The following HS6ST2 variants were observed in gnomAD, a reference collection of about 807,000 sequenced individuals.
HS6ST2 encodes heparan-sulfate 6-O-sulfotransferase 2.
Under a neutral mutation model 33.0 loss-of-function variants are expected in HS6ST2, and 17 were observed. The ratio of observed to expected loss-of-function variants is 0.52; its 90% CI spans 0.35 to 0.77. HS6ST2 has a LOEUF of 0.77. Among genes scored for constraint, HS6ST2 ranks in the 30% least tolerant of loss-of-function variants. The pLI is 0.01. For missense variants in HS6ST2, 519 were observed against 551.7 expected (o/e 0.94, Z 0.59); for synonymous variants, 248 against 237.1 (o/e 1.05, Z -0.42).
chrX:132,830,051 T>G (rs916931376), intron 2 of HS6ST2, among the ~76,000 whole-genome samples: 3 of 111,835 alleles, frequency 2.7e-5, no homozygotes, highest in East Asian at 2.8e-4. Context: ...TGGTGTTTTC[T>G]ATGAAGTATG....
chrX:132,786,114 A>G (rs1001564582), intron 2 of HS6ST2, among the ~76,000 whole-genome samples: 11 of 112,107 alleles, frequency 9.8e-5, no homozygotes, highest in Non-Finnish European at 2.1e-4. Context: ...AAATGGGGTA[A>G]TACACAGTAA....
intron 2 of HS6ST2, among the ~76,000 whole-genome samples, chrX:132,856,448 C>T (rs2065853049): frequency 9.0e-6 from 1 of 111,683 alleles, no homozygotes; most frequent in African/African-American, 3.2e-5. Context: ...AGGGGGACAA[C>T]GCACCTTGAA....
At chrX:132,879,490 TACA>T (rs1331489137) in intron 2 of HS6ST2, among the ~76,000 whole-genome samples, 2 of 111,821 alleles carry the variant, frequency 1.8e-5, no homozygotes, top group African/African-American at 3.3e-5. Context: ...TCCTGGTAAG[TACA>T]ACAAGAAACT....
rs1156640009 is a variant in HS6ST2 at position 132,642,527 on chromosome X, G to A, written c.1068-13434C>T. The stretch of plus-strand genomic sequence containing the variant: ...ATTCAGAATTTCAAGGGCTGGCAGG[G>A]TCATGCCTCCTTTCACCTGGGAAAG... On this transcript the variant is annotated intron_variant, in intron 4 of 4. Transcript: ENST00000370833. 4.5e-5 allele frequency among the ~76,000 whole-genome samples: 5 copies of A among 111,816 alleles called. No individual in the cohort carries two copies. In the East Asian group the frequency reaches 1.4e-3, roughly 31 times the overall value.
chrX:132,787,097 GCTT>G (rs2065068396), intron 2 of HS6ST2, among the ~76,000 whole-genome samples: 1 of 96,917 alleles, frequency 1.0e-5, no homozygotes, highest in South Asian at 5.0e-4. Context: ...CATAGCACTT[GCTT>G]CTTCTTTTAG....
At chrX:132,687,655 AG>A (rs1481138671) in intron 3 of HS6ST2, among the ~76,000 whole-genome samples, 7 of 111,185 alleles carry the variant, frequency 6.3e-5, no homozygotes, top group African/African-American at 1.6e-4. Flanking sequence ...TAGAGTATTC[AG>A]GTGCAACATT....
chrX:132,880,216 C>A (rs768465103), intron 2 of HS6ST2, among the ~76,000 whole-genome samples: 41 of 111,436 alleles, frequency 3.7e-4, no homozygotes, highest in African/African-American at 1.1e-3. Flanking sequence ...CTGCCCCCAA[C>A]CAAAATTAAA....
chrX:132,886,339 T>C (rs1419308887), intron 2 of HS6ST2, among the ~76,000 whole-genome samples: 3 of 111,346 alleles, frequency 2.7e-5, no homozygotes, highest in Non-Finnish European at 5.7e-5. Context: ...AGATTCAAGA[T>C]GGCAGAAGAA....
chrX:132,873,418 T>C (rs187206347), intron 2 of HS6ST2, among the ~76,000 whole-genome samples: 1 of 112,036 alleles, frequency 8.9e-6, no homozygotes, highest in African/African-American at 3.2e-5. Flanking sequence ...CCCAGCAATT[T>C]TCCCATGCCC....
intron 2 of HS6ST2, among the ~76,000 whole-genome samples, chrX:132,771,175 T>C (rs2064895029): frequency 8.9e-6 from 1 of 111,857 alleles, no homozygotes; most frequent in Admixed American, 9.5e-5. Flanking sequence ...TAGTAGGTGC[T>C]CAGTAAATAT....
At chrX:132,833,561 C>T (rs1038228554) in intron 2 of HS6ST2, among the ~76,000 whole-genome samples, 5 of 111,176 alleles carry the variant, frequency 4.5e-5, no homozygotes, top group African/African-American at 1.6e-4. Context: ...GCACTGTAAT[C>T]TGATGCCCTC....
At chrX:132,857,646 C>A (rs909622616) in intron 2 of HS6ST2, among the ~76,000 whole-genome samples, 12 of 111,680 alleles carry the variant, frequency 1.1e-4, no homozygotes, top group South Asian at 3.8e-4. Context: ...ATCTGTGAAA[C>A]CTTCAGTGTA....
At chrX:132,907,471 A>G (rs915216495) in intron 2 of HS6ST2, 5 of 115,945 alleles carry the variant, frequency 4.3e-5, no homozygotes, top group African/African-American at 1.6e-4. Flanking sequence ...CTCTGGCAAG[A>G]TATTGTAAGT....
chrX:132,677,321 G>C (rs1186232289), intron 3 of HS6ST2, among the ~76,000 whole-genome samples: 1 of 111,907 alleles, frequency 8.9e-6, no homozygotes, highest in African/African-American at 3.2e-5. Context: ...TGGTGGAGAG[G>C]CTCATTTCCT....
intron 2 of HS6ST2, among the ~76,000 whole-genome samples, chrX:132,827,719 T>C (rs1019045895): frequency 9.0e-6 from 1 of 111,147 alleles, no homozygotes; most frequent in African/African-American, 3.3e-5. Flanking sequence ...TTGCCTTTCA[T>C]GTTGGGCTTA....
chrX:132,911,513 T>C, intron 2 of HS6ST2, among the ~76,000 whole-genome samples: 1 of 112,181 alleles, frequency 8.9e-6, no homozygotes, highest in Non-Finnish European at 1.9e-5. Context: ...CCTCAGGGTC[T>C]TTGCAATTGT....
At chrX:132,695,083 C>G (rs1436364702) in intron 3 of HS6ST2, among the ~76,000 whole-genome samples, 3 of 110,832 alleles carry the variant, frequency 2.7e-5, no homozygotes, top group East Asian at 2.9e-4. Flanking sequence ...GAAGCCAAGC[C>G]TCTCTTGTGT....
chrX:132,802,428 C>G (rs1055003823), intron 2 of HS6ST2, among the ~76,000 whole-genome samples: 5 of 111,796 alleles, frequency 4.5e-5, no homozygotes, highest in Non-Finnish European at 9.4e-5. Flanking sequence ...GTGTGGTCTT[C>G]TCATACAGCA....
At chrX:132,891,167 T>A (rs2066306321) in intron 2 of HS6ST2, among the ~76,000 whole-genome samples, 1 of 70,730 alleles carries the variant, frequency 1.4e-5, no homozygotes, top group Admixed American at 1.9e-4. Flanking sequence ...ACTGTGTATA[T>A]GATCATGGGG....
Sources: gnomAD v4.1 joint callset for allele counts (sites outside exome capture counted in the v4.1 genomes callset) on GRCh38, gnomAD v4.1.1 for gene constraint, MANE v1.5 for transcripts, NCBI Gene and HGNC (gene_info 2026-07-23, HGNC 2026-07-21) for gene names.